Variants in AUTS2 observed in about 807,000 individuals in gnomAD.
The protein encoded by AUTS2 is activator of transcription and developmental regulator AUTS2, also known as autism susceptibility gene 2 protein.
In AUTS2, 17 loss-of-function variants were observed where a neutral mutation model predicts 112.4. That is an observed-to-expected ratio of 0.15 (90% CI 0.10 to 0.23). AUTS2 has a LOEUF of 0.23. Ranked by LOEUF, AUTS2 falls within the 10% of genes least tolerant of loss-of-function variation. The pLI, the probability that AUTS2 is intolerant of heterozygous loss-of-function variation, is 1.00. For missense variants in AUTS2, 1,510 were observed against 1,701.6 expected (o/e 0.89, Z 1.98); for synonymous variants, 751 against 702.7 (o/e 1.07, Z -1.09).
intron 18 of AUTS2, among the ~76,000 whole-genome samples, chr7:70,787,743 G>A (rs751849489): frequency 2.6e-5 from 4 of 152,276 alleles, no homozygotes; most frequent in Non-Finnish European, 4.4e-5. Context: ...TTGGAGCTTC[G>A]GGCCAGACAC....
chr7:70,722,697 G>A (rs1175290165), intron 6 of AUTS2, among the ~76,000 whole-genome samples: 3 of 152,188 alleles, frequency 2.0e-5, no homozygotes, highest in Non-Finnish European at 2.9e-5. Flanking sequence ...TATGGTGTCT[G>A]CTAAAACATT....
At chr7:70,251,129 A>G (rs1296915283) in intron 4 of AUTS2, among the ~76,000 whole-genome samples, 4 of 152,088 alleles carry the variant, frequency 2.6e-5, no homozygotes, top group Non-Finnish European at 5.9e-5. Context: ...CACTGGCACA[A>G]TCTTGGCTCA....
At chr7:70,330,035 A>G (rs1485310896) in intron 4 of AUTS2, among the ~76,000 whole-genome samples, 1 of 152,208 alleles carries the variant, frequency 6.6e-6, no homozygotes, top group Admixed American at 6.5e-5. Flanking sequence ...AGGAGCCCTC[A>G]TGACCCAGCC....
chr7:70,590,947 C>T (rs1269201749), intron 5 of AUTS2, among the ~76,000 whole-genome samples: 1 of 152,178 alleles, frequency 6.6e-6, no homozygotes, highest in Admixed American at 6.5e-5. Flanking sequence ...GTGCCCACTA[C>T]ATTATTTTTA....
chr7:70,505,853 G>A (rs972785553), intron 5 of AUTS2, among the ~76,000 whole-genome samples: 5 of 152,172 alleles, frequency 3.3e-5, no homozygotes, highest in Admixed American at 1.3e-4. Flanking sequence ...CTGGCAGGCC[G>A]GGATGGGGAC....
intron 5 of AUTS2, among the ~76,000 whole-genome samples, chr7:70,455,091 G>T (rs1796681146): frequency 6.6e-6 from 1 of 152,124 alleles, no homozygotes; most frequent in South Asian, 2.1e-4. Context: ...TTGTTTGTTT[G>T]TTTATGTTCG....
At chr7:69,618,783 C>G (rs1793507976) in intron 1 of AUTS2, among the ~76,000 whole-genome samples, 1 of 152,162 alleles carries the variant, frequency 6.6e-6, no homozygotes, top group South Asian at 2.1e-4. Flanking sequence ...AACCTTATGA[C>G]TTTACTGTAA....
intron 1 of AUTS2, among the ~76,000 whole-genome samples, chr7:69,757,729 C>A (rs1315519935): frequency 1.3e-5 from 2 of 152,108 alleles, no homozygotes; most frequent in Non-Finnish European, 2.9e-5. Context: ...CTTTTACCGC[C>A]CCCTGCTTCA....
chr7:69,780,827 A>C (rs1789114924), intron 1 of AUTS2, among the ~76,000 whole-genome samples: 2 of 152,206 alleles, frequency 1.3e-5, no homozygotes, highest in Non-Finnish European at 2.9e-5. Context: ...TCTTTTTGAA[A>C]GCAAACAACA....
At chr7:69,623,253 C>T (rs758172735) in intron 1 of AUTS2, among the ~76,000 whole-genome samples, 4 of 152,022 alleles carry the variant, frequency 2.6e-5, no homozygotes, top group Non-Finnish European at 4.4e-5. Flanking sequence ...GACAAGGTCT[C>T]GTTCTGTCAC....
At chr7:70,409,312 T>C (rs1275806893) in intron 4 of AUTS2, among the ~76,000 whole-genome samples, 1 of 152,156 alleles carries the variant, frequency 6.6e-6, no homozygotes, top group African/African-American at 2.4e-5. Flanking sequence ...ACTTGTCTAG[T>C]ATCACTTGGT....
chr7:69,920,731 C>T lies in AUTS2; in HGVS notation c.522+21233C>T, dbSNP rs530827292. 5.9e-5 allele frequency among the ~76,000 whole-genome samples: 9 copies of T among 152,266 alleles called. No homozygotes were observed. The South Asian group carries it at 1.7e-3, about 28-fold the overall frequency. On this transcript the variant is annotated intron_variant, in intron 2 of 18. Coordinates refer to ENST00000342771, the MANE Select transcript of AUTS2 (RefSeq NM_015570.4). Reference sequence around the variant, plus strand: ...TTCTTCCTAGACTGTTCAACACTGGCGTGAAATGGTTCTTGTGTAGGACTC... The same window carrying T: ...TTCTTCCTAGACTGTTCAACACTGGTGTGAAATGGTTCTTGTGTAGGACTC...
At chr7:70,181,939 A>G (rs1453776510) in intron 4 of AUTS2, among the ~76,000 whole-genome samples, 5 of 151,622 alleles carry the variant, frequency 3.3e-5, no homozygotes, top group African/African-American at 2.4e-5. Flanking sequence ...CTGGGATTAC[A>G]GGCACCCGCC....
At chr7:69,985,903 G>A (rs1219342485) in intron 2 of AUTS2, among the ~76,000 whole-genome samples, 2 of 152,002 alleles carry the variant, frequency 1.3e-5, no homozygotes, top group African/African-American at 4.8e-5. Flanking sequence ...CTACAGGCAC[G>A]TGCCACCATG....
At chr7:69,816,801 G>C (rs183638777) in intron 1 of AUTS2, among the ~76,000 whole-genome samples, 125 of 152,242 alleles carry the variant, frequency 8.2e-4, no homozygotes, top group Non-Finnish European at 1.1e-3. Context: ...TTCTAGGCTG[G>C]GACATCTGAT....
intron 4 of AUTS2, among the ~76,000 whole-genome samples, chr7:70,136,492 A>G (rs1010970614): frequency 2.0e-5 from 3 of 152,186 alleles, no homozygotes; most frequent in African/African-American, 7.2e-5. Flanking sequence ...TAATAATTTC[A>G]GATACTAACT....
chr7:70,353,209 A>G (rs1360004823), intron 4 of AUTS2, among the ~76,000 whole-genome samples: 1 of 152,206 alleles, frequency 6.6e-6, no homozygotes, highest in East Asian at 1.9e-4. Flanking sequence ...TTATATCCCC[A>G]TTTGTATCTT....
chr7:70,532,199 G>A (rs773697476), intron 5 of AUTS2, among the ~76,000 whole-genome samples: 5 of 152,158 alleles, frequency 3.3e-5, no homozygotes, highest in South Asian at 4.1e-4. Flanking sequence ...AGCTTGTATC[G>A]CGTTGCTGAT....
At chr7:70,724,321 G>A (rs899294722) in intron 6 of AUTS2, among the ~76,000 whole-genome samples, 1 of 151,990 alleles carries the variant, frequency 6.6e-6, no homozygotes, top group Admixed American at 6.6e-5. Flanking sequence ...AACCCTGCAG[G>A]TGTACAAAAC....
Sources: gnomAD v4.1 joint callset for allele counts (sites outside exome capture counted in the v4.1 genomes callset) on GRCh38, gnomAD v4.1.1 for gene constraint, MANE v1.5 for transcripts, NCBI Gene and HGNC (gene_info 2026-07-23, HGNC 2026-07-21) for gene names.